Variants in PRRC2C observed in about 807,000 individuals in gnomAD.
PRRC2C encodes the protein protein PRRC2C.
PRRC2C carries 72 observed loss-of-function variants against 317.2 expected under a neutral mutation model. The ratio of observed to expected loss-of-function variants is 0.23; its 90% CI spans 0.19 to 0.28. PRRC2C has a LOEUF of 0.28. PRRC2C is among the 10% of genes least tolerant of loss of function. The pLI is 1.00. For synonymous variants in PRRC2C, 1,296 were observed against 1,205.9 expected (o/e 1.07, Z -1.55); for missense variants, 3,074 against 3,459.7 (o/e 0.89, Z 2.80).
intron 24 of PRRC2C, among the ~76,000 whole-genome samples, chr1:171,572,233 C>T (rs1172205363): frequency 6.6e-6 from 1 of 152,130 alleles, no homozygotes; most frequent in Admixed American, 6.5e-5. Context: ...CAGCGATCCA[C>T]CTGCCTCAGC....
intron 1 of PRRC2C, among the ~76,000 whole-genome samples, chr1:171,505,389 T>C (rs1669994867): frequency 1.3e-5 from 2 of 152,350 alleles, no homozygotes; most frequent in African/African-American, 4.8e-5. Context: ...TCTGATTGTT[T>C]AGTGCTGTAT....
At chr1:171,492,149 G>A (rs1430424372) in intron 1 of PRRC2C, among the ~76,000 whole-genome samples, 1 of 152,110 alleles carries the variant, frequency 6.6e-6, no homozygotes, top group African/African-American at 2.4e-5. Flanking sequence ...ATGGATTTTT[G>A]TAGCCCCCAC....
Position 171,566,682 on chromosome 1 carries a change from G to C in PRRC2C, c.6397G>C (p.Ala2133Pro). The C allele has an allele frequency of 6.2e-7, 1 of 1,612,726 alleles. No individual in the cohort carries two copies. Among genetic ancestry groups the C allele is most frequent in the Non-Finnish European group, 8.5e-7 (1 of 1,179,312 alleles). The change falls in exon 22 of 35, where the codon GCC becomes CCC. Residue 2133 changes from alanine (A) to proline (P), a missense_variant. Physicochemically the swap from Ala to Pro is conservative, Grantham distance 27. Around this residue, in one of 11 missense-constraint regions of PRRC2C, gnomAD observed 640 missense variants for 676.1 expected, o/e 0.95. Transcript: ENST00000647382. Reference protein sequence around the residue: ...RSLKNRKVKDAQQVEPEGQEK... With the variant: ...RSLKNRKVKDPQQVEPEGQEK... ...ATTAAAAAATAGAAAAGTAAAAGAT[G>C]CCCAACAGGTGGAGCCAGAAGGACA... is the stretch of plus-strand genomic sequence containing the variant.
chr1:171,559,070 G>A (rs564589816), intron 19 of PRRC2C, among the ~76,000 whole-genome samples: 122 of 152,328 alleles, frequency 8.0e-4, no homozygotes, highest in African/African-American at 2.8e-3. Context: ...AGAGAGGTGA[G>A]GCAGCTGCCA....
intron 20 of PRRC2C, among the ~76,000 whole-genome samples, chr1:171,564,506 A>G (rs1321316862): frequency 1.3e-5 from 2 of 152,224 alleles, no homozygotes; most frequent in Non-Finnish European, 2.9e-5. Context: ...TAGAATTTCA[A>G]CATTGACTAA....
chr1:171,575,029 A>G lies in PRRC2C; in HGVS notation c.6856A>G (p.Ser2286Gly). The change falls in exon 25 of 35, where the codon AGT (serine) becomes GGT (glycine). Residue 2286 changes from serine to glycine, a missense_variant. Physicochemically the swap from Ser to Gly is moderately conservative, Grantham distance 56. Coordinates refer to ENST00000647382, the MANE Select transcript of PRRC2C (RefSeq NM_001387844.1). ...APPIATGVSS[S>G]ASGPSTANYN... ...TCCAATTGCAACTGGAGTCAGCAGT[A>G]GTGCCAGTGGACCAAGCACTGCTAA... 2 of 1,613,954 alleles carry G rather than the reference A, an allele frequency of 1.2e-6. No individual in the cohort carries two copies. Among genetic ancestry groups the G allele is most frequent in the Non-Finnish European group, 1.7e-6 (2 of 1,179,858 alleles).
chr1:171,583,483 T>G (rs1649173076), intron 28 of PRRC2C, among the ~76,000 whole-genome samples: 1 of 152,188 alleles, frequency 6.6e-6, no homozygotes, highest in Non-Finnish European at 1.5e-5. Context: ...TGTCCTATGA[T>G]AACAATGCCT....
chr1:171,548,629 CCTG>C (rs1679611997), intron 17 of PRRC2C, among the ~76,000 whole-genome samples: 1 of 152,018 alleles, frequency 6.6e-6, no homozygotes, highest in Non-Finnish European at 1.5e-5. Context: ...AATTACATCA[CCTG>C]AGGTAATTTA....
chr1:171,548,552 A>G (rs1679594992), intron 17 of PRRC2C, among the ~76,000 whole-genome samples: 1 of 152,222 alleles, frequency 6.6e-6, no homozygotes, highest in African/African-American at 2.4e-5. Flanking sequence ...TGAAAATTAA[A>G]TAATTTCTTT....
At chr1:171,558,278 C>T (rs1681831627) in intron 19 of PRRC2C, 135 bp downstream of exon 19, 2 of 1,238,270 alleles carry the variant, frequency 1.6e-6, no homozygotes, top group Non-Finnish European at 2.1e-6. Flanking sequence ...AATAGTAATC[C>T]TCTCAACTTT....
intron 11 of PRRC2C, among the ~76,000 whole-genome samples, chr1:171,530,243 CTTTTTT>C (rs778215422): frequency 3.2e-5 from 2 of 63,286 alleles, no homozygotes; most frequent in African/African-American, 6.7e-5. Flanking sequence ...TGTAGCTGGG[CTTTTTT>C]TTTTTTTTTT....
chr1:171,557,733 C>T lies in PRRC2C; in HGVS notation c.5621C>T (p.Ser1874Leu), dbSNP rs1681729064. Residue 1874 changes from serine to leucine, a missense_variant, in exon 19 of 35, where the codon TCA becomes TTA. Physicochemically the swap from Ser to Leu is moderately radical, Grantham distance 145. This residue lies in a region of PRRC2C where 640 missense variants were observed against 676.1 expected (regional missense o/e 0.95). Coordinates refer to ENST00000647382, the MANE Select transcript of PRRC2C (RefSeq NM_001387844.1). ...PILASALAST[S>L]APTPAPAASS... ...CTTGCTTCAGCCCTAGCATCAACTT[C>T]AGCTCCAACGCCAGCCCCAGCAGCC... is the stretch of plus-strand genomic sequence containing the variant. The T allele has an allele frequency of 4.5e-6, 7 of 1,551,606 alleles. No individual in the cohort carries two copies. The highest frequency in any genetic ancestry group is 6.1e-6 in the Non-Finnish European group (7 of 1,146,972).
intron 19 of PRRC2C, among the ~76,000 whole-genome samples, chr1:171,559,468 A>G (rs1001169492): frequency 2.7e-5 from 4 of 150,196 alleles, no homozygotes; most frequent in Admixed American, 6.7e-5. Context: ...AACAAAGCCT[A>G]GATGACATCA....
chr1:171,539,838 T>C, intron 15 of PRRC2C, 133 bp from the exon 16 acceptor site: 1 of 831,592 alleles, frequency 1.2e-6, no homozygotes, highest in Non-Finnish European at 1.8e-6. Context: ...CTAAACTTTT[T>C]ATATAGCGAG....
At chr1:171,497,271 T>C (rs1218101138) in intron 1 of PRRC2C, among the ~76,000 whole-genome samples, 2 of 152,200 alleles carry the variant, frequency 1.3e-5, no homozygotes, top group Non-Finnish European at 2.9e-5. Flanking sequence ...GAAAGTTCAA[T>C]CCTGATTTTT....
intron 14 of PRRC2C, among the ~76,000 whole-genome samples, chr1:171,537,030 T>C (rs1676964199): frequency 6.6e-6 from 1 of 152,242 alleles, no homozygotes; most frequent in Non-Finnish European, 1.5e-5. Context: ...GTGATTTTGC[T>C]TATTTTGCTT....
intron 28 of PRRC2C, among the ~76,000 whole-genome samples, chr1:171,583,617 T>A (rs1302120752): frequency 2.0e-5 from 3 of 152,248 alleles, no homozygotes; most frequent in African/African-American, 4.8e-5. Flanking sequence ...ATAATTCTTT[T>A]TATCAGTATC....
At chr1:171,505,026 ATT>A (rs56282458) in intron 1 of PRRC2C, among the ~76,000 whole-genome samples, 21 of 136,652 alleles carry the variant, frequency 1.5e-4, no homozygotes, top group Non-Finnish European at 1.6e-4. Context: ...AAGTATTTCA[ATT>A]TTTTTTTTTT....
intron 1 of PRRC2C, among the ~76,000 whole-genome samples, chr1:171,486,107 CT>C (rs34040896): frequency 0.51 from 48,580 of 95,398 alleles, 12,083 homozygotes; most frequent in South Asian, 0.64. Context: ...GACGTGAAGT[CT>C]TTTTTTTTTT....
Sources: allele counts gnomAD v4.1 joint callset (sites outside exome capture counted in the v4.1 genomes callset), GRCh38; gene constraint gnomAD v4.1.1; regional missense constraint gnomAD v4.1.1; transcripts MANE v1.5; gene names NCBI Gene and HGNC (gene_info 2026-07-23, HGNC 2026-07-21).